IGFBP7: variants seen among roughly 807,000 people sequenced by gnomAD.
IGFBP7 encodes insulin-like growth factor-binding protein 7.
Under a neutral mutation model 29.4 loss-of-function variants are expected in IGFBP7, and 31 were observed. The ratio of observed to expected loss-of-function variants is 1.05; its 90% confidence interval spans 0.79 to 1.42. The LOEUF (loss-of-function observed/expected upper bound fraction) is 1.42. Among genes scored for constraint, IGFBP7 ranks in the 40% most tolerant of loss-of-function variants. The pLI, the probability that IGFBP7 is intolerant of heterozygous loss-of-function variation, is 0.00. For synonymous variants in IGFBP7, 172 were observed against 174.9 expected (o/e 0.98, Z 0.13); for missense variants, 393 against 395.5 (o/e 0.99, Z 0.05).
At chr4:57,088,735 G>A (rs7659866) in intron 1 of IGFBP7, among the ~76,000 whole-genome samples, 88,777 of 151,826 alleles carry the variant, frequency 0.58, 28,171 homozygotes, top group Admixed American at 0.73. Context: ...AGGTTAAGAG[G>A]AGCAACTTGC....
chr4:57,046,199 C>G (rs1407162914), intron 1 of IGFBP7, among the ~76,000 whole-genome samples: 1 of 151,888 alleles, frequency 6.6e-6, no homozygotes, highest in Non-Finnish European at 1.5e-5. Flanking sequence ...CAATGCCAGC[C>G]CCAACAATGC....
intron 1 of IGFBP7, among the ~76,000 whole-genome samples, chr4:57,069,191 T>A (rs1724996121): frequency 6.6e-6 from 1 of 152,164 alleles, no homozygotes; most frequent in Non-Finnish European, 1.5e-5. Context: ...CACCAAGACA[T>A]CTTGAGTTGT....
intron 1 of IGFBP7, among the ~76,000 whole-genome samples, chr4:57,062,443 G>GTCTGAAATGTTTCTGAGGTGTTA (rs1384155753): frequency 6.6e-6 from 1 of 152,192 alleles, no homozygotes; most frequent in South Asian, 2.1e-4. Context: ...TTTGCACCCG[G>GTCTGAAATGTTTCTGAGGTGTTA]TCTGAAATGT....
chr4:57,110,181 G>C lies in IGFBP7; in HGVS notation c.171C>G (p.Cys57Trp), dbSNP rs890034617. 9 of 1,397,998 alleles carry C rather than the reference G, an allele frequency of 6.4e-6. No homozygotes were observed. Among genetic ancestry groups the C allele is most frequent in the Non-Finnish European group, 8.3e-6 (9 of 1,085,776 alleles). The allele number at this position is 1,397,998 out of a possible 1,614,324, so 86.6% of individuals were successfully genotyped here. Residue 57 changes from cysteine to tryptophan, a missense_variant, in exon 1 of 5, where the codon TGC becomes TGG. Coordinates refer to ENST00000295666, the MANE Select transcript of IGFBP7 (RefSeq NM_001553.3). ...CGCGGGCGCACATAGGGCAGCAGCC[G>C]CACGCGTCGCGGGTCTCGCCCAGCA... Reference protein sequence around the residue: ...GCLLGETRDACGCCPMCARGE... With the variant: ...GCLLGETRDAWGCCPMCARGE...
intron 1 of IGFBP7, among the ~76,000 whole-genome samples, chr4:57,100,215 G>T (rs1334874878): frequency 3.3e-5 from 5 of 151,834 alleles, no homozygotes; most frequent in Non-Finnish European, 7.4e-5. Flanking sequence ...GACTACAGGT[G>T]CTTCCCACTG....
chr4:57,052,527 TG>T lies in IGFBP7; in HGVS notation c.476-11595del, dbSNP rs561816608. On this transcript the variant is annotated intron_variant, in intron 1 of 4. Coordinates refer to ENST00000295666, the MANE Select transcript of IGFBP7 (RefSeq NM_001553.3). ...CCTTTGGGTGGAAGGAAGACAGATT[TG>T]GCACTCCCTCTCACTAGTTTCTCCA... is the stretch of plus-strand genomic sequence containing the variant. Among the ~76,000 whole-genome samples the T allele has an allele frequency of 1.9e-3, 289 of 152,308 alleles. 1 individual carries two copies. The highest frequency in any genetic ancestry group is 3.6e-3 in the Non-Finnish European group (243 of 68,032).
At chr4:57,052,834 A>G (rs1724539806) in intron 1 of IGFBP7, among the ~76,000 whole-genome samples, 1 of 152,086 alleles carries the variant, frequency 6.6e-6, no homozygotes, top group Non-Finnish European at 1.5e-5. Flanking sequence ...GGGAGCATGA[A>G]GTCTGTTTTT....
At chr4:57,087,492 T>C (rs28450510) in intron 1 of IGFBP7, among the ~76,000 whole-genome samples, 16,043 of 152,252 alleles carry the variant, frequency 0.11, 1,212 homozygotes, top group East Asian at 0.31. Flanking sequence ...AACTGTTTGG[T>C]TCTGGCTAAT....
At chr4:57,079,913 G>C (rs1253009394) in intron 1 of IGFBP7, among the ~76,000 whole-genome samples, 2 of 152,176 alleles carry the variant, frequency 1.3e-5, no homozygotes, top group Non-Finnish European at 2.9e-5. Context: ...CAGAAATCTA[G>C]TTAAGTGGCT....
At position 57,106,739 on chromosome 4, in the gene IGFBP7, TAA is replaced by T. The variant is rs201163344; in HGVS notation, c.475+3136_475+3137del. 1.2e-3 allele frequency among the ~76,000 whole-genome samples: 188 copies of T among 152,302 alleles called. 5 individuals carry two copies. The East Asian group carries it at 0.031, about 25-fold the overall frequency. ...ATGGGATTGCCAAAGAGCTCAGATT[TAA>T]AAGACTTTGAACAAAAGGTATAATC... On this transcript the variant is annotated intron_variant, in intron 1 of 4. Coordinates refer to ENST00000295666, the MANE Select transcript of IGFBP7 (RefSeq NM_001553.3).
At chr4:57,059,391 T>C (rs1015499902) in intron 1 of IGFBP7, among the ~76,000 whole-genome samples, 1 of 152,148 alleles carries the variant, frequency 6.6e-6, no homozygotes, top group African/African-American at 2.4e-5. Context: ...GTGGTACATA[T>C]ACACCATGGA....
intron 1 of IGFBP7, among the ~76,000 whole-genome samples, chr4:57,069,663 T>TA (rs1725010364): frequency 6.7e-6 from 1 of 149,618 alleles, no homozygotes; most frequent in African/African-American, 2.5e-5. Context: ...GCCCTATCTC[T>TA]AAAAAAACAA....
At chr4:57,071,017 C>G (rs1725039410) in intron 1 of IGFBP7, among the ~76,000 whole-genome samples, 2 of 152,172 alleles carry the variant, frequency 1.3e-5, no homozygotes. Flanking sequence ...ATTTCTTCTG[C>G]TCTGAACACA....
intron 1 of IGFBP7, among the ~76,000 whole-genome samples, chr4:57,057,218 C>G (rs997743794): frequency 1.3e-5 from 2 of 152,198 alleles, no homozygotes; most frequent in South Asian, 2.1e-4. Context: ...CTGTGTTGCC[C>G]AGGCTGGTCT....
intron 1 of IGFBP7, among the ~76,000 whole-genome samples, chr4:57,049,650 G>A (rs1364340659): frequency 6.6e-6 from 1 of 152,110 alleles, no homozygotes; most frequent in Non-Finnish European, 1.5e-5. Flanking sequence ...AATCCTGTTG[G>A]TTTCGGTAAG....
chr4:57,068,928 A>G (rs1410741032), intron 1 of IGFBP7, among the ~76,000 whole-genome samples: 1 of 151,912 alleles, frequency 6.6e-6, no homozygotes, highest in South Asian at 2.1e-4. Flanking sequence ...TTCCATGGCC[A>G]CTTTTGGATG....
rs970035282 is a variant in IGFBP7, at chr4:57,073,230, T to A, written c.476-32297A>T. 3.8e-5 allele frequency: 26 copies of A among 680,700 alleles called. No individual in the cohort carries two copies. The East Asian group carries it at 4.2e-4, about 11-fold the overall frequency. 42.2% of individuals were successfully genotyped at this position (680,700 alleles called of 1,614,324 possible). ...TTGTATAGCACTCTGTATCTTGAGC[T>A]GTGGTATTATTATTATTATTATTAT... On this transcript the variant is annotated intron_variant, in intron 1 of 4. Transcript: ENST00000295666.
intron 1 of IGFBP7, among the ~76,000 whole-genome samples, chr4:57,102,824 G>A (rs752813455): frequency 2.0e-5 from 3 of 152,124 alleles, no homozygotes; most frequent in Non-Finnish European, 4.4e-5. Flanking sequence ...GCTCAAGAAG[G>A]GCAGCTGAGG....
At chr4:57,036,270 AG>A (rs1724083693) in intron 2 of IGFBP7, among the ~76,000 whole-genome samples, 1 of 152,128 alleles carries the variant, frequency 6.6e-6, no homozygotes, top group South Asian at 2.1e-4. Flanking sequence ...GATACAAACC[AG>A]GGCAGTTCAC....
Sources: gnomAD v4.1 joint callset for allele counts (sites outside exome capture counted in the v4.1 genomes callset) on GRCh38, gnomAD v4.1.1 for gene constraint, MANE v1.5 for transcripts, NCBI Gene and HGNC (gene_info 2026-07-23, HGNC 2026-07-21) for gene names.